The following PAPPA2 variants were observed in gnomAD, a reference collection of about 807,000 sequenced individuals.
PAPPA2 encodes pappalysin 2.
Under a neutral mutation model 176.4 loss-of-function variants are expected in PAPPA2, and 86 were observed. That is an observed-to-expected ratio of 0.49 (90% CI 0.41 to 0.58). The LOEUF (loss-of-function observed/expected upper bound fraction) is 0.58. Ranked by LOEUF, PAPPA2 falls within the 20% of genes least tolerant of loss-of-function variation. The pLI is 0.00. For synonymous variants in PAPPA2, 809 were observed against 852.2 expected, an observed-to-expected ratio of 0.95 and a Z score of 0.88; for missense variants, 2,073 against 2,256.9, an observed-to-expected ratio of 0.92 and a Z score of 1.65.
chr1:176,639,144 G>A (rs893157434), intron 3 of PAPPA2, among the ~76,000 whole-genome samples: 6 of 151,998 alleles, frequency 3.9e-5, no homozygotes, highest in Non-Finnish European at 8.8e-5. Context: ...AGAAATGCCA[G>A]ATGAAAAAAA....
At chr1:176,729,993 G>A (rs1354117083) in intron 12 of PAPPA2, among the ~76,000 whole-genome samples, 2 of 151,476 alleles carry the variant, frequency 1.3e-5, no homozygotes, top group Non-Finnish European at 3.0e-5. Flanking sequence ...AATCATTTTT[G>A]CCTTCGTGAA....
intron 14 of PAPPA2, among the ~76,000 whole-genome samples, chr1:176,753,506 C>T (rs952903472): frequency 6.8e-6 from 1 of 146,840 alleles, no homozygotes; most frequent in African/African-American, 2.5e-5. Context: ...CTATGTAGAA[C>T]GTTTGGATTA....
At chr1:176,514,987 G>A (rs1003305666) in intron 1 of PAPPA2, among the ~76,000 whole-genome samples, 2 of 152,248 alleles carry the variant, frequency 1.3e-5, no homozygotes, top group Non-Finnish European at 1.5e-5. Context: ...CAGTGAATAC[G>A]TTGGCCTCTG....
intron 1 of PAPPA2, among the ~76,000 whole-genome samples, chr1:176,479,751 A>G (rs1041189526): frequency 6.6e-6 from 1 of 152,132 alleles, no homozygotes; most frequent in Non-Finnish European, 1.5e-5. Context: ...AAGTTTGAAT[A>G]CCTTGCTTTC....
At chr1:176,475,719 A>G (rs906514119) in intron 1 of PAPPA2, among the ~76,000 whole-genome samples, 1 of 152,230 alleles carries the variant, frequency 6.6e-6, no homozygotes, top group African/African-American at 2.4e-5. Context: ...ATTCCTTTAA[A>G]TAGAGATTAG....
At chr1:176,624,922 A>C (rs1169958457) in intron 3 of PAPPA2, among the ~76,000 whole-genome samples, 1 of 152,156 alleles carries the variant, frequency 6.6e-6, no homozygotes, top group Non-Finnish European at 1.5e-5. Context: ...TGGATGTATA[A>C]GTGGGTGGGC....
intron 21 of PAPPA2, among the ~76,000 whole-genome samples, chr1:176,818,448 A>G (rs1666498897): frequency 1.3e-5 from 2 of 152,214 alleles, no homozygotes; most frequent in South Asian, 4.1e-4. Flanking sequence ...ATTCCTGTCA[A>G]TGGCAACATC....
chr1:176,702,665 C>A lies in PAPPA2; in HGVS notation c.3295C>A (p.Leu1099Met). 2 of 1,613,724 alleles carry A rather than the reference C, an allele frequency of 1.2e-6. No homozygotes were observed. The highest frequency in any genetic ancestry group is 1.7e-6 in the Non-Finnish European group (2 of 1,179,936). ...AGTTCTAGCTGAAGCTGGAGGAGAA[C>A]TGGGAGAAGCTTCGCCTCCTCTGAA... ...YQVLAEAGGE[L>M]GEASPPLNHI... is the part of the protein sequence containing the mutation. Residue 1099 changes from leucine to methionine, a missense_variant, in exon 9 of 23, where the codon CTG (leucine) becomes ATG (methionine). Leu to Met is a conservative substitution (Grantham distance 15). Transcript: ENST00000367662.
chr1:176,754,089 T>G (rs1446945120), intron 14 of PAPPA2, among the ~76,000 whole-genome samples: 9 of 152,030 alleles, frequency 5.9e-5, no homozygotes, highest in Non-Finnish European at 1.3e-4. Flanking sequence ...CATGGTCTTT[T>G]GGGTGGGCTT....
chr1:176,494,252 A>G (rs796749583), intron 1 of PAPPA2, among the ~76,000 whole-genome samples: 2 of 152,176 alleles, frequency 1.3e-5, no homozygotes, highest in Non-Finnish European at 2.9e-5. Context: ...TCAAATCTAC[A>G]GCAGACAATG....
chr1:176,692,427 G>C lies in PAPPA2; in HGVS notation c.2624+109G>C, dbSNP rs1660162036. ...GGAACTCCAATTTGGAAGTATAAAT[G>C]TGTGCACCACTGCTCAGAGCTGCTG... is the stretch of plus-strand genomic sequence containing the variant. On this transcript the variant is annotated intron_variant, in intron 6 of 22. Coordinates refer to ENST00000367662, the MANE Select transcript of PAPPA2 (RefSeq NM_020318.3). 4 of 1,128,108 alleles carry C rather than the reference G, an allele frequency of 3.5e-6. No homozygotes were observed. In the South Asian group the frequency reaches 5.8e-5, roughly 16 times the overall value. The allele number at this position is 1,128,108 out of a possible 1,614,324, so 69.9% of individuals were successfully genotyped here. A position where few individuals can be genotyped will look rare whatever the true frequency, so the allele number is the denominator to read the frequency against.
chr1:176,602,643 G>A (rs749818350), intron 3 of PAPPA2, among the ~76,000 whole-genome samples: 6 of 152,214 alleles, frequency 3.9e-5, no homozygotes, highest in Non-Finnish European at 4.4e-5. Context: ...CACACGCAGG[G>A]AAAATAAGCG....
At chr1:176,753,114 C>T (rs1663256938) in intron 14 of PAPPA2, among the ~76,000 whole-genome samples, 1 of 152,120 alleles carries the variant, frequency 6.6e-6, no homozygotes, top group Non-Finnish European at 1.5e-5. Context: ...GTGGCTGTCT[C>T]ATTTAGGAGA....
chr1:176,762,683 AT>A (rs1663753114), intron 14 of PAPPA2, among the ~76,000 whole-genome samples: 1 of 152,218 alleles, frequency 6.6e-6, no homozygotes, highest in Non-Finnish European at 1.5e-5. Flanking sequence ...TCTTGATCAC[AT>A]TTCATAAAGG....
rs1660535226 is a variant in PAPPA2, at chr1:176,699,332, A to C, written c.2979A>C (p.Ser993=). The change falls in exon 8 of 23, where the codon TCA becomes TCC. Residue 993 remains serine, a synonymous_variant. Coordinates refer to ENST00000367662, the MANE Select transcript of PAPPA2 (RefSeq NM_020318.3). The part of the protein sequence containing the change: ...DTEILLENKE[S]VHLGPLDTFC... ...AGATCTTGCTGGAAAACAAGGAGTC[A>C]GTGCACCTGGGCCCCTTAGACACTT... 1.9e-6 allele frequency: 3 copies of C among 1,614,180 alleles called. No homozygotes were observed. The highest frequency in any genetic ancestry group is 2.5e-6 in the Non-Finnish European group (3 of 1,180,016).
intron 14 of PAPPA2, among the ~76,000 whole-genome samples, chr1:176,750,463 G>A (rs1663114382): frequency 6.6e-6 from 1 of 152,020 alleles, no homozygotes; most frequent in African/African-American, 2.4e-5. Flanking sequence ...AAATTAGCCT[G>A]GTGTGCTGGT....
intron 2 of PAPPA2, among the ~76,000 whole-genome samples, chr1:176,588,837 G>A (rs925959805): frequency 6.6e-5 from 10 of 152,172 alleles, no homozygotes; most frequent in Non-Finnish European, 1.2e-4. Context: ...GTGTGTCCTT[G>A]AGGGGCAAGC....
chr1:176,621,247 G>T (rs546707077), intron 3 of PAPPA2, among the ~76,000 whole-genome samples: 5 of 152,228 alleles, frequency 3.3e-5, no homozygotes, highest in South Asian at 2.1e-4. Context: ...TGAGATGTTC[G>T]CAGACTAAGT....
chr1:176,565,211 G>C (rs1651894219), intron 2 of PAPPA2, among the ~76,000 whole-genome samples: 1 of 152,104 alleles, frequency 6.6e-6, no homozygotes, highest in Admixed American at 6.5e-5. Context: ...CTTTTTGGCT[G>C]TTATGAACAT....
Sources: gnomAD v4.1 joint callset for allele counts (sites outside exome capture counted in the v4.1 genomes callset) on GRCh38, gnomAD v4.1.1 for gene constraint, MANE v1.5 for transcripts, NCBI Gene and HGNC (gene_info 2026-07-23, HGNC 2026-07-21) for gene names.